The following DLG2 variants were observed in gnomAD, a reference collection of about 807,000 sequenced individuals.
DLG2 encodes the protein disks large homolog 2.
Under a neutral mutation model 132.5 loss-of-function variants are expected in DLG2, and 45 were observed. The observed-to-expected ratio is 0.34, with a 90% CI of 0.27 to 0.44. The LOEUF (loss-of-function observed/expected upper bound fraction) is 0.44. DLG2 is among the 20% of genes least tolerant of loss of function. DLG2 has a pLI of 1.00. For missense variants in DLG2, 1,045 were observed against 1,196.9 expected (o/e 0.87, Z 1.87); for synonymous variants, 424 against 419.6 (o/e 1.01, Z -0.13).
Position 84,932,507 on chromosome 11 carries a change from C to A in DLG2, c.357+179154G>T, listed in dbSNP as rs138477325. 2.3e-3 allele frequency among the ~76,000 whole-genome samples: 356 copies of A among 152,140 alleles called. 9 individuals carry two copies. Among genetic ancestry groups the A allele is most frequent in the Admixed American group, 0.014 (216 of 15,280 alleles). On this transcript the variant is annotated intron_variant, in intron 6 of 27. Transcript: ENST00000376104. ...ATTGACCTGTCCTCTAAGTTCCCAC[C>A]CCTCACCCCCACCACACAACAGGCC... is the stretch of plus-strand genomic sequence containing the variant.
chr11:85,343,251 G>T (rs1162533413), intron 3 of DLG2, among the ~76,000 whole-genome samples: 4 of 151,978 alleles, frequency 2.6e-5, no homozygotes, highest in South Asian at 2.1e-4. Context: ...TTTTTCCCAG[G>T]AGACAGCCTT....
At chr11:84,800,413 C>T (rs73514932) in intron 6 of DLG2, 2 of 152,242 alleles carry the variant, frequency 1.3e-5, no homozygotes, top group African/African-American at 4.8e-5. Context: ...CATTTTCTAG[C>T]TGGAAATTGC....
At chr11:85,137,392 C>T (rs536565500) in intron 5 of DLG2, among the ~76,000 whole-genome samples, 2 of 152,062 alleles carry the variant, frequency 1.3e-5, no homozygotes, top group Non-Finnish European at 2.9e-5. Flanking sequence ...GGTTCTATGA[C>T]CTGCCGTGAC....
chr11:84,017,409 CT>C (rs1202660066), intron 11 of DLG2, among the ~76,000 whole-genome samples: 11 of 152,040 alleles, frequency 7.2e-5, no homozygotes, highest in Non-Finnish European at 1.2e-4. Flanking sequence ...CTTTATTAAG[CT>C]TTTAAATGAA....
chr11:85,205,167 T>TATATATATATATATATAG (rs1554985189), intron 4 of DLG2, among the ~76,000 whole-genome samples: 5 of 138,780 alleles, frequency 3.6e-5, no homozygotes, highest in African/African-American at 1.3e-4. Context: ...TATATATAGA[T>TATATATATATATATATAG]ATATATATAT....
In DLG2 at chr11:84,211,586, G is replaced by A. The variant is rs1413309088; in HGVS notation, c.573+39652C>T. 2.0e-5 allele frequency among the ~76,000 whole-genome samples: 3 copies of A among 152,006 alleles called. No individual in the cohort carries two copies. The East Asian group carries it at 5.8e-4, about 29-fold the overall frequency. Reference sequence around the variant, plus strand: ...GGTTTTAAAAAGGGAAAGCTTATGGGTAAATATAATAAATGCATGCCCACT... The same window carrying A: ...GGTTTTAAAAAGGGAAAGCTTATGGATAAATATAATAAATGCATGCCCACT... On this transcript the variant is annotated intron_variant, in intron 8 of 27. Transcript: ENST00000376104.
chr11:84,683,018 C>T (rs1413363447), intron 6 of DLG2, among the ~76,000 whole-genome samples: 1 of 152,102 alleles, frequency 6.6e-6, no homozygotes, highest in African/African-American at 2.4e-5. Flanking sequence ...AATTAGTTTA[C>T]AGAATTTGTG....
intron 10 of DLG2, among the ~76,000 whole-genome samples, chr11:84,060,254 G>A (rs1435686004): frequency 6.6e-6 from 1 of 152,166 alleles, no homozygotes; most frequent in African/African-American, 2.4e-5. Context: ...GGAGGTTGCA[G>A]TGAGCCGAGA....
chr11:85,485,915 C>T (rs2093418733), intron 3 of DLG2, among the ~76,000 whole-genome samples: 1 of 152,170 alleles, frequency 6.6e-6, no homozygotes, highest in Non-Finnish European at 1.5e-5. Context: ...AGTGCAGCTG[C>T]CACCACTAGG....
At chr11:84,906,185 C>CT (rs76437536) in intron 6 of DLG2, among the ~76,000 whole-genome samples, 105 of 141,902 alleles carry the variant, frequency 7.4e-4, no homozygotes, top group South Asian at 1.4e-3. Context: ...CCCTTTTTTC[C>CT]TTTTTTTTTT....
intron 4 of DLG2, among the ~76,000 whole-genome samples, chr11:85,260,330 G>A (rs2076877641): frequency 6.6e-6 from 1 of 152,078 alleles, no homozygotes; most frequent in Non-Finnish European, 1.5e-5. Context: ...ACATTTTTTG[G>A]ATAGATATAC....
intron 22 of DLG2, chr11:83,480,337 A>G (rs920985749): frequency 1.3e-6 from 2 of 1,525,996 alleles, no homozygotes; most frequent in Non-Finnish European, 1.8e-6. Context: ...GGGCAATTGC[A>G]AAGAAAATAA....
At chr11:84,384,136 A>G (rs1224862890) in intron 7 of DLG2, among the ~76,000 whole-genome samples, 1 of 151,334 alleles carries the variant, frequency 6.6e-6, no homozygotes, top group Non-Finnish European at 1.5e-5. Flanking sequence ...TTTAAAAAGA[A>G]CAAAAGTAAA....
chr11:85,076,138 A>G (rs140939035), intron 6 of DLG2, among the ~76,000 whole-genome samples: 2 of 152,088 alleles, frequency 1.3e-5, no homozygotes, highest in East Asian at 3.9e-4. Flanking sequence ...TATTACAGCT[A>G]GAGATACACA....
At chr11:85,523,650 T>C (rs1565632020) in intron 3 of DLG2, among the ~76,000 whole-genome samples, 1 of 152,144 alleles carries the variant, frequency 6.6e-6, no homozygotes, top group Non-Finnish European at 1.5e-5. Context: ...ATTAGTAGAA[T>C]CACCATGGAG....
chr11:83,914,836 G>T (rs1189686706), intron 15 of DLG2, among the ~76,000 whole-genome samples: 2 of 152,122 alleles, frequency 1.3e-5, no homozygotes, highest in African/African-American at 4.8e-5. Context: ...TATCCGGTAG[G>T]TATGTATGTC....
chr11:83,790,282 T>C, intron 17 of DLG2: 1 of 929,284 alleles, frequency 1.1e-6, no homozygotes, highest in Non-Finnish European at 1.8e-6. Context: ...AGTGCCCAAG[T>C]CTAGTGTGAA....
intron 19 of DLG2, among the ~76,000 whole-genome samples, chr11:83,558,678 C>T (rs1475474523): frequency 6.6e-6 from 1 of 152,138 alleles, no homozygotes; most frequent in African/African-American, 2.4e-5. Flanking sequence ...TCTGGACTTG[C>T]CACTGTATCT....
At chr11:83,877,754 A>T (rs943482958) in intron 15 of DLG2, among the ~76,000 whole-genome samples, 4 of 152,158 alleles carry the variant, frequency 2.6e-5, no homozygotes, top group South Asian at 2.1e-4. Flanking sequence ...AGATAAATAG[A>T]GTCAAGACCT....
Sources: allele counts gnomAD v4.1 joint callset (sites outside exome capture counted in the v4.1 genomes callset), GRCh38; gene constraint gnomAD v4.1.1; transcripts MANE v1.5; gene names NCBI Gene and HGNC (gene_info 2026-07-23, HGNC 2026-07-21).